Variants in NCALD observed in about 807,000 individuals in gnomAD.
The protein encoded by NCALD is neurocalcin-delta.
In NCALD, 10 loss-of-function variants were observed where a neutral mutation model predicts 18.6. That is an observed-to-expected ratio of 0.54 (90% CI 0.33 to 0.91). The LOEUF (loss-of-function observed/expected upper bound fraction) is 0.91. NCALD is among the 40% of genes least tolerant of loss of function. The pLI, the probability that NCALD is intolerant of heterozygous loss-of-function variation, is 0.03. For missense variants in NCALD, 184 were observed against 247.6 expected, an observed-to-expected ratio of 0.74 and a Z score of 1.72; for synonymous variants, 88 against 87.4, an observed-to-expected ratio of 1.01 and a Z score of -0.04.
chr8:101,839,121 T>C (rs1236612397), intron 4 of NCALD, among the ~76,000 whole-genome samples: 1 of 152,174 alleles, frequency 6.6e-6, no homozygotes, highest in Non-Finnish European at 1.5e-5. Flanking sequence ...GTGACTAAGA[T>C]ATGGGCCTTG....
At chr8:101,937,800 C>T (rs1818817956) in intron 2 of NCALD, among the ~76,000 whole-genome samples, 1 of 152,162 alleles carries the variant, frequency 6.6e-6, no homozygotes, top group Non-Finnish European at 1.5e-5. Context: ...GGAGCTTACA[C>T]TCTTGTAGGG....
intron 2 of NCALD, among the ~76,000 whole-genome samples, chr8:101,702,739 A>G (rs1465469984): frequency 6.6e-6 from 1 of 152,252 alleles, no homozygotes; most frequent in Non-Finnish European, 1.5e-5. Flanking sequence ...TGCTCCGCAG[A>G]AGTGGCCTCA....
chr8:101,867,214 C>T (rs1413733145), intron 4 of NCALD, among the ~76,000 whole-genome samples: 1 of 152,174 alleles, frequency 6.6e-6, no homozygotes, highest in East Asian at 1.9e-4. Context: ...CTATCCTTGG[C>T]CATTCTATCT....
intron 3 of NCALD, among the ~76,000 whole-genome samples, chr8:101,908,717 C>T (rs1373461945): frequency 6.6e-6 from 1 of 152,134 alleles, no homozygotes; most frequent in Non-Finnish European, 1.5e-5. Flanking sequence ...CTTTGAGGAC[C>T]ACATAGTCCA....
intron 2 of NCALD, among the ~76,000 whole-genome samples, chr8:101,930,953 CAA>C: frequency 6.6e-6 from 1 of 152,244 alleles, no homozygotes; most frequent in East Asian, 1.9e-4. Context: ...AAGGCTTATA[CAA>C]TTCCTTTTTT....
intron 4 of NCALD, among the ~76,000 whole-genome samples, chr8:101,867,402 T>C (rs1356241611): frequency 6.6e-6 from 1 of 152,222 alleles, no homozygotes; most frequent in East Asian, 1.9e-4. Flanking sequence ...GCACAGTGCC[T>C]GGTGCACAGT....
intron 1 of NCALD, among the ~76,000 whole-genome samples, chr8:102,070,840 C>T (rs891381197): frequency 6.6e-6 from 1 of 152,196 alleles, no homozygotes; most frequent in Non-Finnish European, 1.5e-5. Flanking sequence ...GGGAAAAGAC[C>T]ATCACCCATT....
chr8:101,785,573 G>T (rs1812191305), intron 1 of NCALD, among the ~76,000 whole-genome samples: 1 of 152,122 alleles, frequency 6.6e-6, no homozygotes, highest in African/African-American at 2.4e-5. Flanking sequence ...AGTGAAAAAT[G>T]AACAGTGTTG....
chr8:101,883,451 T>C (rs1366740179), intron 4 of NCALD, among the ~76,000 whole-genome samples: 1 of 152,222 alleles, frequency 6.6e-6, no homozygotes, highest in African/African-American at 2.4e-5. Flanking sequence ...AGTCTTTGTA[T>C]TGCTCCCTTC....
In NCALD at chr8:102,001,409, C is replaced by A. The variant is rs1404074170; in HGVS notation, c.-157+18828G>T. 2.0e-5 allele frequency among the ~76,000 whole-genome samples: 3 copies of A among 152,276 alleles called. No individual in the cohort carries two copies. In the South Asian group the frequency reaches 6.2e-4, roughly 32 times the overall value. ...CCAAATCTACGTCTGATTGGTGTACCTGAAAGTGATGGGGAGAATGGAACC... is the reference window on the plus strand; with the variant it reads ...CCAAATCTACGTCTGATTGGTGTACATGAAAGTGATGGGGAGAATGGAACC... On this transcript the variant is annotated intron_variant, in intron 2 of 6. Coordinates refer to the NCALD transcript ENST00000311028.
intron 4 of NCALD, among the ~76,000 whole-genome samples, chr8:101,883,913 T>A (rs490032): frequency 0.39 from 59,958 of 152,060 alleles, 15,170 homozygotes; most frequent in African/African-American, 0.71. Flanking sequence ...CTATCAGCAG[T>A]GTCATTATAC....
intron 4 of NCALD, among the ~76,000 whole-genome samples, chr8:101,821,622 A>T (rs1813719846): frequency 6.6e-6 from 1 of 152,166 alleles, no homozygotes; most frequent in Admixed American, 6.5e-5. Context: ...TAGGATTCAG[A>T]GATGAACATG....
chr8:101,983,065 C>T (rs932274208), intron 2 of NCALD, among the ~76,000 whole-genome samples: 1 of 152,074 alleles, frequency 6.6e-6, no homozygotes, highest in African/African-American at 2.4e-5. Flanking sequence ...GACTAGACCC[C>T]CAAGCGGCTA....
rs2129973923 is a variant in NCALD at position 101,692,873 on chromosome 8, A to G, written c.402T>C (p.Ser134=). Residue 134 remains serine (S), a synonymous_variant, in exon 3 of 4, where the codon TCT becomes TCC. Coordinates refer to ENST00000220931, the MANE Select transcript of NCALD (RefSeq NM_032041.3). ...IVQAIYKMVS[S]VMKMPEDEST... is the part of the protein sequence containing the mutation. ...ACTCATCTTCAGGCATTTTCATTAC[A>G]GAGGAAACCATCTTATAGATTGCCT... 6.2e-7 allele frequency: 1 copy of G among 1,613,822 alleles called. No homozygotes were observed. The highest frequency in any genetic ancestry group is 8.5e-7 in the Non-Finnish European group (1 of 1,179,752).
intron 2 of NCALD, chr8:101,694,146 T>C (rs533920621): frequency 6.6e-6 from 1 of 152,342 alleles, no homozygotes; most frequent in African/African-American, 2.4e-5. Context: ...CAGAGTCACT[T>C]TGGGCATCTT....
At chr8:101,924,546 T>G (rs1164477039) in intron 2 of NCALD, among the ~76,000 whole-genome samples, 1 of 152,194 alleles carries the variant, frequency 6.6e-6, no homozygotes, top group Admixed American at 6.5e-5. Flanking sequence ...TTCCAAATCA[T>G]AACTAAACTG....
rs541124396 is a variant in NCALD at position 102,112,481 on chromosome 8, TA to T, written c.-210+11755del. ...TAAGCTTGTTTTAGACAAACTGTGA[TA>T]AAAAAAAAAATTGTTATCAACTAAC... is the stretch of plus-strand genomic sequence containing the variant. On this transcript the variant is annotated intron_variant, in intron 1 of 6. Coordinates refer to the NCALD transcript ENST00000311028. Among the ~76,000 whole-genome samples, 577 of 147,342 alleles carry T rather than the reference TA, an allele frequency of 3.9e-3. 5 individuals are homozygous for T. The highest frequency in any genetic ancestry group is 0.016 in the East Asian group (81 of 5,106).
chr8:101,894,918 G>T (rs925608128), intron 3 of NCALD, among the ~76,000 whole-genome samples: 1 of 150,688 alleles, frequency 6.6e-6, no homozygotes, highest in Non-Finnish European at 1.5e-5. Flanking sequence ...ATTCACAGCC[G>T]AATTCTACCA....
At chr8:101,784,571 A>G (rs528685751) in intron 1 of NCALD, among the ~76,000 whole-genome samples, 30 of 152,180 alleles carry the variant, frequency 2.0e-4, no homozygotes, top group African/African-American at 7.2e-4. Flanking sequence ...CCAAGGTGGG[A>G]GGATCTCTTG....
Sources: gnomAD v4.1 joint callset for allele counts (sites outside exome capture counted in the v4.1 genomes callset) on GRCh38, gnomAD v4.1.1 for gene constraint, MANE v1.5 for transcripts, NCBI Gene and HGNC (gene_info 2026-07-23, HGNC 2026-07-21) for gene names.